The following SLC7A14 variants were observed in gnomAD, a reference collection of about 807,000 sequenced individuals.
The protein encoded by SLC7A14 is solute carrier family 7 member 14.
SLC7A14 carries 37 observed loss-of-function variants against 60.2 expected under a neutral mutation model. The observed-to-expected ratio is 0.61, with a 90% CI of 0.47 to 0.81. The LOEUF (loss-of-function observed/expected upper bound fraction) is 0.81, where lower values mean the gene tolerates loss of function less well. Among genes scored for constraint, SLC7A14 ranks in the 30% least tolerant of loss-of-function variants. The pLI is 0.00. For synonymous variants in SLC7A14, 399 were observed against 395.8 expected, an observed-to-expected ratio of 1.01 and a Z score of -0.10; for missense variants, 886 against 982.7, an observed-to-expected ratio of 0.90 and a Z score of 1.32.
chr3:170,579,755 G>T (rs886064235), intron 1 of SLC7A14, among the ~76,000 whole-genome samples: 1 of 152,196 alleles, frequency 6.6e-6, no homozygotes, highest in Non-Finnish European at 1.5e-5. Flanking sequence ...AATAGCAATT[G>T]CCTGCTGCTA....
intron 4 of SLC7A14, among the ~76,000 whole-genome samples, chr3:170,494,037 A>G (rs1712306116): frequency 6.6e-6 from 1 of 152,242 alleles, no homozygotes; most frequent in African/African-American, 2.4e-5. Context: ...GATTGGAATG[A>G]GGACAGTGAA....
intron 4 of SLC7A14, chr3:170,496,538 G>A (rs565147075): frequency 1.0e-5 from 16 of 1,584,928 alleles, no homozygotes; most frequent in African/African-American, 1.3e-5. Flanking sequence ...ACATGGCGCA[G>A]CAGCTGCGTG....
At position 170,470,451 on chromosome 3, in the gene SLC7A14, G is replaced by A. The variant is rs181401322; in HGVS notation, c.1994-3074C>T. On this transcript the variant is annotated intron_variant, in intron 7 of 7. Coordinates refer to ENST00000231706, the MANE Select transcript of SLC7A14 (RefSeq NM_020949.3). ...CATAAATATTTATGGGTCTTTTCAT[G>A]TTTGCCCTGAACCCCCTGGAGTTTC... 5.9e-5 allele frequency among the ~76,000 whole-genome samples: 9 copies of A among 151,786 alleles called. No homozygotes were observed. The East Asian group carries it at 1.8e-3, about 30-fold the overall frequency.
At chr3:170,475,853 C>T (rs1299917646) in intron 7 of SLC7A14, among the ~76,000 whole-genome samples, 1 of 152,106 alleles carries the variant, frequency 6.6e-6, no homozygotes, top group African/African-American at 2.4e-5. Context: ...GCTGGGATTA[C>T]AGGTGCCCGC....
chr3:170,496,273 T>G (rs1350599021), intron 4 of SLC7A14: 8 of 967,288 alleles, frequency 8.3e-6, no homozygotes, highest in African/African-American at 1.6e-5. Flanking sequence ...GCTGAGAGCA[T>G]GTACCAGATC....
rs1024231175 is a variant in SLC7A14, at chr3:170,462,007, T to G, written c.*5048A>C. The stretch of plus-strand genomic sequence containing the variant: ...CTACTCACTGACCTGAGGTTTATAC[T>G]CCAATAGTGGACCCCTACCCGCTGC... On this transcript the variant is annotated 3_prime_UTR_variant, in exon 8 of 8. Transcript: ENST00000231706. 1.3e-5 allele frequency: 2 copies of G among 152,334 alleles called. No homozygotes were observed. The highest frequency in any genetic ancestry group is 2.9e-5 in the Non-Finnish European group (2 of 68,092). The allele number at this position is 152,334 out of a possible 1,614,324, so 9.4% of individuals were successfully genotyped here.
At chr3:170,559,614 C>T (rs528009514) in intron 1 of SLC7A14, among the ~76,000 whole-genome samples, 5 of 152,278 alleles carry the variant, frequency 3.3e-5, no homozygotes, top group Admixed American at 2.0e-4. Flanking sequence ...GTTGATTAAT[C>T]CATGTTCTAA....
chr3:170,568,870 G>A (rs1560283317), intron 1 of SLC7A14, among the ~76,000 whole-genome samples: 1 of 152,180 alleles, frequency 6.6e-6, no homozygotes, highest in Non-Finnish European at 1.5e-5. Context: ...TGTATCCTGA[G>A]ACTCTGCTGA....
chr3:170,582,439 G>A (rs1160566836), intron 1 of SLC7A14, among the ~76,000 whole-genome samples: 1 of 152,100 alleles, frequency 6.6e-6, no homozygotes, highest in African/African-American at 2.4e-5. Context: ...ATTTTAAAAA[G>A]TTTAATTAAA....
At chr3:170,524,523 T>C (rs907995444) in intron 2 of SLC7A14, among the ~76,000 whole-genome samples, 3 of 152,134 alleles carry the variant, frequency 2.0e-5, no homozygotes, top group African/African-American at 7.2e-5. Context: ...ATGGATGAGA[T>C]CTATTGAAAA....
intron 2 of SLC7A14, among the ~76,000 whole-genome samples, chr3:170,506,109 G>A (rs138314460): frequency 6.6e-6 from 1 of 152,212 alleles, no homozygotes; most frequent in African/African-American, 2.4e-5. Context: ...ATGAAATCCA[G>A]TGTTTAGGTG....
intron 2 of SLC7A14, among the ~76,000 whole-genome samples, chr3:170,523,325 C>T (rs1273988814): frequency 2.6e-5 from 4 of 152,210 alleles, no homozygotes; most frequent in Non-Finnish European, 5.9e-5. Flanking sequence ...AAACATCCCA[C>T]TCTTTATCAT....
chr3:170,520,997 T>A (rs142956574), intron 2 of SLC7A14, among the ~76,000 whole-genome samples: 1,884 of 152,290 alleles, frequency 0.012, 38 homozygotes, highest in African/African-American at 0.043. Flanking sequence ...AAAAGAAACC[T>A]ATTTCCTCTA....
intron 6 of SLC7A14, among the ~76,000 whole-genome samples, chr3:170,482,863 G>C (rs1002297867): frequency 1.3e-5 from 2 of 151,644 alleles, no homozygotes; most frequent in African/African-American, 4.8e-5. Context: ...TGCAGGTATT[G>C]TTAGGATCTG....
chr3:170,585,258 C>T lies in SLC7A14; in HGVS notation c.-153+653G>A, dbSNP rs1196187919. On this transcript the variant is annotated intron_variant, in intron 1 of 7. Coordinates refer to ENST00000231706, the MANE Select transcript of SLC7A14 (RefSeq NM_020949.3). This position sits in a 1 kb window ranked among gnomAD's most constrained non-coding sequence, Gnocchi z 5.1. Reference sequence around the variant, plus strand: ...GGGCAGGGAGCTTCCCTGGACACCGCTCCCGTCACGTCCTCTTCGCCGCTC... The same window carrying T: ...GGGCAGGGAGCTTCCCTGGACACCGTTCCCGTCACGTCCTCTTCGCCGCTC... Among the ~76,000 whole-genome samples the T allele has an allele frequency of 6.6e-6, 1 of 152,308 alleles. No homozygotes were observed. Among genetic ancestry groups the T allele is most frequent in the East Asian group, 1.9e-4 (1 of 5,148 alleles).
chr3:170,480,630 G>A lies in SLC7A14; in HGVS notation c.1652C>T (p.Pro551Leu). The part of the protein sequence containing the change: ...YYTMRIRLGL[P>L]GKMDRPTAAT... The stretch of plus-strand genomic sequence containing the variant: ...TGCTGTGGGCCGGTCCATTTTGCCT[G>A]GAAGGCCCAGCCGGATTCTCATGGT... The change falls in exon 7 of 8, where the codon CCA becomes CTA. Residue 551 changes from proline (P) to leucine (L), a missense_variant. By Grantham distance (98) the Pro-to-Leu change is moderately conservative. Transcript: ENST00000231706. 1 of 1,614,256 alleles carries A rather than the reference G, an allele frequency of 6.2e-7. No individual in the cohort carries two copies. Among genetic ancestry groups the A allele is most frequent in the Non-Finnish European group, 8.5e-7 (1 of 1,180,040 alleles).
intron 1 of SLC7A14, among the ~76,000 whole-genome samples, chr3:170,545,783 TAAAGA>T (rs1012237501): frequency 2.0e-5 from 3 of 152,240 alleles, no homozygotes; most frequent in African/African-American, 7.2e-5. Context: ...ATATTATTAT[TAAAGA>T]AAAGATATTT....
intron 4 of SLC7A14, among the ~76,000 whole-genome samples, chr3:170,489,039 C>T (rs1331153122): frequency 6.6e-6 from 1 of 150,624 alleles, no homozygotes; most frequent in Non-Finnish European, 1.5e-5. Flanking sequence ...CTCCAGGACA[C>T]TGGTCTGGGC....
chr3:170,481,462 C>T (rs1320348520), intron 6 of SLC7A14, among the ~76,000 whole-genome samples: 3 of 146,288 alleles, frequency 2.1e-5, no homozygotes, highest in Admixed American at 7.0e-5. Flanking sequence ...AGTGCAGTGG[C>T]GTGATCTCAG....
Sources: gnomAD v4.1 joint callset for allele counts (sites outside exome capture counted in the v4.1 genomes callset) on GRCh38, gnomAD v4.1.1 for gene constraint, Gnocchi (gnomAD v3.1) non-coding constraint, MANE v1.5 for transcripts, NCBI Gene and HGNC (gene_info 2026-07-23, HGNC 2026-07-21) for gene names.